Variants in PNP observed in about 807,000 individuals in gnomAD.
PNP encodes HEL-S-156an.
Under a neutral mutation model 26.8 loss-of-function variants are expected in PNP, and 18 were observed. That is an observed-to-expected ratio of 0.67 (90% CI 0.46 to 1.00). PNP has a LOEUF of 1.00. Ranked by LOEUF, PNP falls within the 50% of genes least tolerant of loss-of-function variation. The probability of loss-of-function intolerance (pLI) is 0.00; values close to 1 mark genes in which losing one functional copy is unlikely to be tolerated. For missense variants in PNP, 320 were observed against 362.9 expected (o/e 0.88, Z 0.96); for synonymous variants, 116 against 124.8 (o/e 0.93, Z 0.47).
At position 20,477,031 on chromosome 14, in the gene PNP, A is replaced by C; in HGVS notation, c.*430A>C. 1 of 247,680 alleles carries C rather than the reference A, an allele frequency of 4.0e-6. No individual in the cohort carries two copies. Among genetic ancestry groups the C allele is most frequent in the Non-Finnish European group, 8.1e-6 (1 of 123,790 alleles). The allele number at this position is 247,680 out of a possible 1,614,324, so 15.3% of individuals were successfully genotyped here. On this transcript the variant is annotated 3_prime_UTR_variant, in exon 6 of 6. Transcript: ENST00000361505. ...GAGACCAAACAAGGACTAATCCAAT[A>C]CCTCTTGGATTTTATTTAATGTCAT...
At chr14:20,474,236 T>C in intron 2 of PNP, 1 of 486,034 alleles carries the variant, frequency 2.1e-6, no homozygotes, top group East Asian at 3.9e-5. Context: ...GTGTTCATGC[T>C]GAACATGCTG....
chr14:20,469,666 C>T (rs983218989), intron 1 of PNP, 131 bp downstream of exon 1: 3 of 1,235,324 alleles, frequency 2.4e-6, no homozygotes, highest in Admixed American at 2.0e-5. Flanking sequence ...AGGCCTGGCA[C>T]TGAGCCTAGT....
chr14:20,474,366 C>T (rs571968691), intron 2 of PNP, 106 bp from the exon 3 acceptor site: 1 of 946,220 alleles, frequency 1.1e-6, no homozygotes, highest in Admixed American at 2.0e-5. Flanking sequence ...TACTTAATTA[C>T]AACCTAACAT....
intron 1 of PNP, among the ~76,000 whole-genome samples, chr14:20,471,769 C>T (rs1881992736): frequency 6.6e-6 from 1 of 152,090 alleles, no homozygotes; most frequent in Admixed American, 6.6e-5. Context: ...TTTATCTCTG[C>T]CTTCATAGTA....
Position 20,474,362 on chromosome 14 carries a change from A to G in PNP, c.182-110A>G. On this transcript the variant is annotated intron_variant, in intron 2 of 5. Coordinates refer to ENST00000361505, the MANE Select transcript of PNP (RefSeq NM_000270.4). ...GAGATAATAATGAGTCTTTTACTTA[A>G]TTACAACCTAACATTTTGAGCAGAG... is the stretch of plus-strand genomic sequence containing the variant. 3.3e-6 allele frequency: 3 copies of G among 920,040 alleles called. No individual in the cohort carries two copies. In the South Asian group the frequency reaches 4.2e-5, roughly 13 times the overall value. 57.0% of individuals were successfully genotyped at this position (920,040 alleles called of 1,614,324 possible).
intron 2 of PNP, chr14:20,473,032 G>A (rs189393733): frequency 6.4e-6 from 1 of 156,582 alleles, no homozygotes; most frequent in Non-Finnish European, 1.4e-5. Context: ...CCTACCCCCA[G>A]TGAGAAGGGC....
chr14:20,476,733 T>C lies in PNP; in HGVS notation c.*132T>C. 1 of 755,464 alleles carries C rather than the reference T, an allele frequency of 1.3e-6. No individual in the cohort carries two copies. Among genetic ancestry groups the C allele is most frequent in the South Asian group, 1.5e-5 (1 of 67,914 alleles). The allele number at this position is 755,464 out of a possible 1,614,324, so 46.8% of individuals were successfully genotyped here. On this transcript the variant is annotated 3_prime_UTR_variant, in exon 6 of 6. Coordinates refer to ENST00000361505, the MANE Select transcript of PNP (RefSeq NM_000270.4). Reference sequence around the variant, plus strand: ...AGGAAAAGATTCCTGTCCTTCACCTTTCCCACTTTCTTCTACCAGACCCTT... The same window carrying C: ...AGGAAAAGATTCCTGTCCTTCACCTCTCCCACTTTCTTCTACCAGACCCTT...
rs1255017196 is a variant in PNP, at chr14:20,469,679, C to T, written c.11+144C>T. 1.1e-5 allele frequency: 13 copies of T among 1,143,710 alleles called. No individual in the cohort carries two copies. In the East Asian group the frequency reaches 3.3e-4, roughly 29 times the overall value. The allele number at this position is 1,143,710 out of a possible 1,614,324, so 70.8% of individuals were successfully genotyped here. On this transcript the variant is annotated intron_variant, in intron 1 of 5. Transcript: ENST00000361505. ...AGAGGCCTGGCACTGAGCCTAGTGT[C>T]GGGAGCAAGGCGGCAGAGTCATGCG...
intron 2 of PNP, chr14:20,472,891 C>CT (rs1882017581): frequency 4.3e-6 from 1 of 234,588 alleles, no homozygotes; most frequent in Non-Finnish European, 8.5e-6. Context: ...CCTTTAATAG[C>CT]TATTTTTTTA....
chr14:20,469,499 C>G lies in PNP; in HGVS notation c.-26C>G. The stretch of plus-strand genomic sequence containing the variant: ...GCGGATCGGAGCACACCGGAGCAGG[C>G]TCATCGAGAAGGCGTCTGCGAGACC... On this transcript the variant is annotated 5_prime_UTR_variant, in exon 1 of 6. Coordinates refer to ENST00000361505, the MANE Select transcript of PNP (RefSeq NM_000270.4). 6.4e-7 allele frequency: 1 copy of G among 1,550,670 alleles called. No individual in the cohort carries two copies. Among genetic ancestry groups the G allele is most frequent in the African/African-American group, 1.4e-5 (1 of 73,010 alleles).
Position 20,474,785 on chromosome 14 carries a change from G to T in PNP, c.298G>T (p.Val100Leu). The change falls in exon 4 of 6, where the codon GTG (valine) becomes TTG (leucine). Residue 100 changes from valine (V) to leucine (L), a missense_variant. By Grantham distance (32) the Val-to-Leu change is conservative (BLOSUM62 1). Coordinates refer to ENST00000361505, the MANE Select transcript of PNP (RefSeq NM_000270.4). ...GYPLWKVTFP[V>L]RVFHLLGVDT... is the part of the protein sequence containing the mutation. ...GTTTGCTTCGAAGGTGACATTCCCA[G>T]TGAGGGTTTTCCACCTTCTGGGTGT... The T allele has an allele frequency of 1.9e-6, 3 of 1,614,134 alleles. No homozygotes were observed. The highest frequency in any genetic ancestry group is 2.5e-6 in the Non-Finnish European group (3 of 1,180,014).
In PNP at chr14:20,475,125, C is replaced by T; in HGVS notation, c.525C>T (p.Leu175=). Reference sequence around the variant, plus strand: ...ACCGGACTATGAGGCAGAGGGCTCTCAGTACCTGGAAACAAATGGGGGAGC... The same window carrying T: ...ACCGGACTATGAGGCAGAGGGCTCTTAGTACCTGGAAACAAATGGGGGAGC... ...AYDRTMRQRA[L]STWKQMGEQR... Residue 175 remains leucine (L), a synonymous_variant, in exon 5 of 6, where the codon CTC becomes CTT. Coordinates refer to ENST00000361505, the MANE Select transcript of PNP (RefSeq NM_000270.4). 6.2e-7 allele frequency: 1 copy of T among 1,614,210 alleles called. No individual in the cohort carries two copies. The highest frequency in any genetic ancestry group is 8.5e-7 in the Non-Finnish European group (1 of 1,180,036).
chr14:20,476,526 A>G lies in PNP; in HGVS notation c.795A>G (p.Lys265=). 6.2e-7 allele frequency: 1 copy of G among 1,614,208 alleles called. No individual in the cohort carries two copies. Among genetic ancestry groups the G allele is most frequent in the Non-Finnish European group, 8.5e-7 (1 of 1,180,042 alleles). The change falls in exon 6 of 6, where the codon AAA becomes AAG. Residue 265 remains lysine, a synonymous_variant. Coordinates refer to ENST00000361505, the MANE Select transcript of PNP (RefSeq NM_000270.4). ...ATGAAGAAGTCTTAGCAGCTGGCAA[A>G]CAAGCTGCACAGAAATTGGAACAGT... ...ANHEEVLAAG[K]QAAQKLEQFV...
chr14:20,471,943 T>C (rs1881995687), intron 1 of PNP, among the ~76,000 whole-genome samples: 1 of 152,204 alleles, frequency 6.6e-6, no homozygotes, highest in Non-Finnish European at 1.5e-5. Flanking sequence ...TTTGATTATT[T>C]CCTTGCACTT....
rs1401023681 is a variant in PNP, at chr14:20,474,803, C to G, written c.316C>G (p.Leu106Val). 2 of 1,614,088 alleles carry G rather than the reference C, an allele frequency of 1.2e-6. No individual in the cohort carries two copies. ...ATTCCCAGTGAGGGTTTTCCACCTT[C>G]TGGGTGTGGACACCCTGGTAGTCAC... is the stretch of plus-strand genomic sequence containing the variant. ...VTFPVRVFHL[L>V]GVDTLVVTNA... Residue 106 changes from leucine to valine, a missense_variant, in exon 4 of 6, where the codon CTG (leucine) becomes GTG (valine). Leu to Val is a conservative substitution (Grantham distance 32). Coordinates refer to ENST00000361505, the MANE Select transcript of PNP (RefSeq NM_000270.4).
chr14:20,469,808 G>GC (rs1441679796), intron 1 of PNP: 1 of 602,708 alleles, frequency 1.7e-6, no homozygotes, highest in Non-Finnish European at 3.0e-6. Flanking sequence ...CGTAAAAGCA[G>GC]CCGTTGTGTG....
At chr14:20,472,115 C>G (rs535088600) in intron 1 of PNP, among the ~76,000 whole-genome samples, 193 bp from the exon 2 acceptor site, 60 of 152,220 alleles carry the variant, frequency 3.9e-4, no homozygotes, top group African/African-American at 1.4e-3. Flanking sequence ...TCATATCAGA[C>G]TTGTAGTGGG....
rs962695228 is a variant in PNP at position 20,469,588 on chromosome 14, C to G, written c.11+53C>G. 2.6e-6 allele frequency: 4 copies of G among 1,551,960 alleles called. No individual in the cohort carries two copies. In the African/African-American group the frequency reaches 5.5e-5, roughly 21 times the overall value. On this transcript the variant is annotated intron_variant, in intron 1 of 5. Transcript: ENST00000361505. ...CCTTGGGGAGGGGCAGGTGCTGTGA[C>G]CCGGGAACCTGGCACACTGGGCCCA...
chr14:20,472,884 T>G (rs1242001256), intron 2 of PNP: 2 of 240,826 alleles, frequency 8.3e-6, no homozygotes, highest in Non-Finnish European at 1.7e-5. Context: ...GAAAAGACCT[T>G]TAATAGCTAT....
Sources: allele counts gnomAD v4.1 joint callset (sites outside exome capture counted in the v4.1 genomes callset), GRCh38; gene constraint gnomAD v4.1.1; transcripts MANE v1.5; gene names NCBI Gene and HGNC (gene_info 2026-07-23, HGNC 2026-07-21).